The following KIF6 variants were observed in gnomAD, a reference collection of about 807,000 sequenced individuals.
KIF6 encodes kinesin family member 6, also known as kinesin-like protein KIF6.
A neutral mutation model predicts 112.7 loss-of-function variants in KIF6; 106 were observed. The ratio of observed to expected loss-of-function variants is 0.94; its 90% CI spans 0.80 to 1.11. The LOEUF is 1.11. KIF6 is among the 50% of genes least tolerant of loss of function. KIF6 has a pLI of 0.00. For missense variants in KIF6, 929 were observed against 964.0 expected (o/e 0.96, Z 0.48); for synonymous variants, 339 against 339.9 (o/e 1.00, Z 0.03).
chr6:39,703,830 A>G (rs1050642327), intron 3 of KIF6, among the ~76,000 whole-genome samples: 1 of 152,254 alleles, frequency 6.6e-6, no homozygotes. Context: ...TCAAATAACT[A>G]TAGTAAAAAT....
intron 13 of KIF6, among the ~76,000 whole-genome samples, chr6:39,519,402 G>A (rs1473579845): frequency 6.6e-6 from 1 of 152,128 alleles, no homozygotes; most frequent in Non-Finnish European, 1.5e-5. Context: ...ATAAATAGGT[G>A]GATACAGCAG....
intron 15 of KIF6, 43 bp downstream of exon 15, chr6:39,419,905 A>G (rs1159676467): frequency 2.6e-6 from 4 of 1,534,960 alleles, no homozygotes; most frequent in Non-Finnish European, 3.6e-6. Context: ...TTTCACCAGG[A>G]AAATGGTTTC....
chr6:39,438,683 A>G (rs148671647), intron 13 of KIF6, among the ~76,000 whole-genome samples: 3,384 of 152,328 alleles, frequency 0.022, 68 homozygotes, highest in Non-Finnish European at 0.029. Context: ...AGTTACAGTA[A>G]GCTAAGGTTA....
chr6:39,566,824 C>T (rs1780306355), intron 10 of KIF6, among the ~76,000 whole-genome samples: 1 of 152,020 alleles, frequency 6.6e-6, no homozygotes, highest in South Asian at 2.1e-4. Flanking sequence ...AGCATTTTTT[C>T]CAAGGTTCAT....
At chr6:39,539,655 T>A (rs1487172295) in intron 13 of KIF6, among the ~76,000 whole-genome samples, 1 of 152,190 alleles carries the variant, frequency 6.6e-6, no homozygotes, top group African/African-American at 2.4e-5. Context: ...GTAATATTTT[T>A]AAATAGTTTT....
At chr6:39,424,910 A>G (rs1770651409) in intron 14 of KIF6, among the ~76,000 whole-genome samples, 1 of 152,208 alleles carries the variant, frequency 6.6e-6, no homozygotes. Flanking sequence ...TCTCATTTTC[A>G]ATGGAAATGA....
At chr6:39,399,499 A>C (rs982923094) in intron 15 of KIF6, among the ~76,000 whole-genome samples, 11 of 152,186 alleles carry the variant, frequency 7.2e-5, no homozygotes, top group Non-Finnish European at 1.6e-4. Flanking sequence ...AAGATGGAAC[A>C]AGTTGTTGGT....
intron 3 of KIF6, among the ~76,000 whole-genome samples, chr6:39,703,045 A>G (rs1040797544): frequency 4.2e-5 from 1 of 23,694 alleles, no homozygotes; most frequent in Admixed American, 5.1e-4. Context: ...CCCCATTTCC[A>G]CCCCCCGGCC....
At position 39,364,546 on chromosome 6, in the gene KIF6, T is replaced by C. The variant is rs372775921; in HGVS notation, c.1862-2028A>G. On this transcript the variant is annotated intron_variant, in intron 16 of 22. Coordinates refer to ENST00000287152, the MANE Select transcript of KIF6 (RefSeq NM_145027.6). Reference sequence around the variant, plus strand: ...ATAATACTTCCATGGGTCTGAAAGGTATAGAGTAGAGTAGGGCTCCTCTTA... The same window carrying C: ...ATAATACTTCCATGGGTCTGAAAGGCATAGAGTAGAGTAGGGCTCCTCTTA... 8.2e-4 allele frequency among the ~76,000 whole-genome samples: 125 copies of C among 152,294 alleles called. 2 individuals are homozygous for C. The South Asian group carries it at 0.022, about 26-fold the overall frequency.
intron 16 of KIF6, among the ~76,000 whole-genome samples, chr6:39,367,782 C>T (rs1765680983): frequency 6.6e-6 from 1 of 152,164 alleles, no homozygotes; most frequent in African/African-American, 2.4e-5. Context: ...CTCTCAAACG[C>T]TCTCTCTCCC....
rs142771983 is a variant in KIF6 at position 39,438,154 on chromosome 6, A to G, written c.1646-6993T>C. On this transcript the variant is annotated intron_variant, in intron 13 of 22. Transcript: ENST00000287152. ...CGCTCGGCTAACTTTTTGTATTTTT[A>G]GTAGAGATGAGATTTCACCATGTTG... is the stretch of plus-strand genomic sequence containing the variant. Among the ~76,000 whole-genome samples, 1,078 of 152,150 alleles carry G rather than the reference A, an allele frequency of 7.1e-3. 13 individuals are homozygous for G. Among genetic ancestry groups the G allele is most frequent in the African/African-American group, 0.025 (1,031 of 41,500 alleles).
intron 13 of KIF6, among the ~76,000 whole-genome samples, chr6:39,519,590 C>T (rs772614949): frequency 9.9e-5 from 15 of 152,064 alleles, no homozygotes; most frequent in Non-Finnish European, 2.1e-4. Context: ...GGTTCCAAAA[C>T]CTGGGATTCT....
intron 19 of KIF6, among the ~76,000 whole-genome samples, chr6:39,349,927 G>C (rs1221863349): frequency 2.6e-5 from 4 of 152,092 alleles, no homozygotes; most frequent in Non-Finnish European, 5.9e-5. Context: ...TTACAGGTGT[G>C]AGCCATCATC....
chr6:39,483,822 G>A (rs954024871), intron 13 of KIF6, among the ~76,000 whole-genome samples: 3 of 152,166 alleles, frequency 2.0e-5, no homozygotes, highest in Non-Finnish European at 2.9e-5. Context: ...AATGAGACAG[G>A]TTCTGGTGAA....
chr6:39,528,963 T>C (rs902543688), intron 13 of KIF6, among the ~76,000 whole-genome samples: 1 of 152,184 alleles, frequency 6.6e-6, no homozygotes, highest in Non-Finnish European at 1.5e-5. Context: ...AGCATACAAA[T>C]AGACTCATCG....
Position 39,625,343 on chromosome 6 carries a change from G to T in KIF6, c.509+9506C>A, listed in dbSNP as rs146363192. On this transcript the variant is annotated intron_variant, in intron 5 of 22. Transcript: ENST00000287152. ...CCTTGTTATTACTCTAGTAGGTTGGGCTAGGCTTCGTGTGGAATTATGTCA... is the reference window on the plus strand; with the variant it reads ...CCTTGTTATTACTCTAGTAGGTTGGTCTAGGCTTCGTGTGGAATTATGTCA... Among the ~76,000 whole-genome samples the T allele has an allele frequency of 1.2e-4, 18 of 152,276 alleles. No homozygotes were observed. In the East Asian group the frequency reaches 2.7e-3, roughly 23 times the overall value.
In KIF6 at chr6:39,545,652, C is replaced by T. The variant is rs1321374407; in HGVS notation, c.1218G>A (p.Gln406=). The T allele has an allele frequency of 2.5e-6, 4 of 1,613,340 alleles. No homozygotes were observed. The Admixed American group carries it at 6.7e-5, about 27-fold the overall frequency. ...CAACCTCTAATCTACTGTCTGAATC[C>T]TGGTCTTCCAAAAAGGATGTTATTA... The part of the protein sequence containing the change: ...EKLITSFLED[Q]DSDSRLEVGA... The change falls in exon 11 of 23, where the codon CAG becomes CAA. Residue 406 remains glutamine (Q), a synonymous_variant. Transcript: ENST00000287152.
chr6:39,497,031 C>T (rs761469816), intron 13 of KIF6, among the ~76,000 whole-genome samples: 7 of 152,246 alleles, frequency 4.6e-5, no homozygotes, highest in Non-Finnish European at 1.0e-4. Context: ...CCTTTGCAGG[C>T]AGGCTTCAGT....
At chr6:39,393,067 C>T (rs1450944047) in intron 15 of KIF6, among the ~76,000 whole-genome samples, 2 of 152,134 alleles carry the variant, frequency 1.3e-5, no homozygotes, top group Non-Finnish European at 2.9e-5. Flanking sequence ...CTTAGATGAC[C>T]GCCCACTCCT....
Sources: allele counts gnomAD v4.1 joint callset (sites outside exome capture counted in the v4.1 genomes callset), GRCh38; gene constraint gnomAD v4.1.1; transcripts MANE v1.5; gene names NCBI Gene and HGNC (gene_info 2026-07-23, HGNC 2026-07-21).